ABCC3: variants seen among roughly 807,000 people sequenced by gnomAD.
ABCC3 encodes ATP binding cassette subfamily C member 3.
ABCC3 carries 121 observed loss-of-function variants against 165.3 expected under a neutral mutation model. That is an observed-to-expected ratio of 0.73 (90% CI 0.63 to 0.85). The LOEUF (loss-of-function observed/expected upper bound fraction) is 0.85, where lower values mean the gene tolerates loss of function less well. Among genes scored for constraint, ABCC3 ranks in the 40% least tolerant of loss-of-function variants. The probability of loss-of-function intolerance (pLI) is 0.00; values close to 1 mark genes in which losing one functional copy is unlikely to be tolerated. For missense variants in ABCC3, 1,869 were observed against 1,964.1 expected, an observed-to-expected ratio of 0.95 and a Z score of 0.92; for synonymous variants, 733 against 810.1, an observed-to-expected ratio of 0.90 and a Z score of 1.62.
rs762536067 is a variant in ABCC3 at position 50,669,177 on chromosome 17, G to A, written c.1975G>A (p.Val659Met). Residue 659 changes from valine to methionine, a missense_variant, in exon 16 of 31, where the codon GTG becomes ATG. Transcript: ENST00000285238. ...GGTCCCGAAAGGGGCACTGGTGGCC[G>A]TGGTGGGGCCTGTGGGCTGTGGGAA... ...IQVPKGALVA[V>M]VGPVGCGKSS... 1.1e-5 allele frequency: 18 copies of A among 1,604,372 alleles called. No homozygotes were observed. The highest frequency in any genetic ancestry group is 7.1e-5 in the Admixed American group (4 of 56,140).
chr17:50,669,164 G>A lies in ABCC3; in HGVS notation c.1962G>A (p.Gly654=), dbSNP rs1381830300. 1.6e-5 allele frequency: 26 copies of A among 1,602,926 alleles called. No homozygotes were observed. Among genetic ancestry groups the A allele is most frequent in the Non-Finnish European group, 1.9e-5 (22 of 1,177,008 alleles). The change falls in exon 16 of 31, where the codon GGG becomes GGA. Residue 654 remains glycine (G), a synonymous_variant. Coordinates refer to ENST00000285238, the MANE Select transcript of ABCC3 (RefSeq NM_003786.4). ...LHSLDIQVPK[G]ALVAVVGPVG... ...GCCTAGACATCCAGGTCCCGAAAGG[G>A]GCACTGGTGGCCGTGGTGGGGCCTG...
chr17:50,673,422 G>T (rs776129645), intron 18 of ABCC3, 47 bp from the exon 19 acceptor site: 2 of 1,594,140 alleles, frequency 1.3e-6, no homozygotes, highest in African/African-American at 1.3e-5. Flanking sequence ...TGTGCCAGGG[G>T]TGTGCTGGAG....
At chr17:50,674,719 G>A (rs931440567) in intron 19 of ABCC3, among the ~76,000 whole-genome samples, 3 of 151,718 alleles carry the variant, frequency 2.0e-5, no homozygotes, top group Admixed American at 6.6e-5. Context: ...TACAGCCAAC[G>A]TGCCTTGAGC....
At chr17:50,647,697 A>T (rs1261811273) in intron 1 of ABCC3, among the ~76,000 whole-genome samples, 1 of 152,214 alleles carries the variant, frequency 6.6e-6, no homozygotes, top group East Asian at 1.9e-4. Context: ...GGAAGCCCAC[A>T]CTGTTGCAGG....
In ABCC3 at chr17:50,658,424, T is replaced by C. The variant is rs1049669400; in HGVS notation, c.613-11T>C. The C allele has an allele frequency of 2.5e-6, 4 of 1,613,410 alleles. No homozygotes were observed. The highest frequency in any genetic ancestry group is 3.4e-6 in the Non-Finnish European group (4 of 1,179,444). On this transcript the variant is annotated splice_polypyrimidine_tract_variant and intron_variant, in intron 5 of 30. Transcript: ENST00000285238. ...CTCCTGATTCCCCCGTCCTATTCTC[T>C]CGCCTTCTAGAACCCCTACCCTGAG...
intron 17 of ABCC3, among the ~76,000 whole-genome samples, chr17:50,671,413 G>A (rs1262989294): frequency 2.0e-5 from 3 of 152,050 alleles, no homozygotes; most frequent in African/African-American, 7.2e-5. Context: ...ATTCCCCACT[G>A]CCCCTAGGCC....
Position 50,684,044 on chromosome 17 carries a change from T to C in ABCC3, c.4050T>C (p.Asp1350=), listed in dbSNP as rs1343638816. 3 of 1,612,810 alleles carry C rather than the reference T, an allele frequency of 1.9e-6. No individual in the cohort carries two copies. The highest frequency in any genetic ancestry group is 1.7e-5 in the Admixed American group (1 of 59,578). ...CGGCAAAGGGTGAAATCCGCATTGA[T>C]GGCCTCAATGTGGCAGACATCGGCC... ...LEAAKGEIRI[D]GLNVADIGLH... Residue 1350 remains aspartate (D), a synonymous_variant, in exon 28 of 31, where the codon GAT becomes GAC. Transcript: ENST00000285238.
Position 50,683,701 on chromosome 17 carries a change from C to G in ABCC3, c.3899C>G (p.Pro1300Arg), listed in dbSNP as rs41280128. ...CGGAATTATTCTGTGCGCTACCGGC[C>G]GGGCCTAGACCTGGTGCTGAGAGAC... is the stretch of plus-strand genomic sequence containing the variant. ...EFRNYSVRYR[P>R]GLDLVLRDLS... is the part of the protein sequence containing the mutation. Residue 1300 changes from proline (P) to arginine (R), a missense_variant, in exon 27 of 31, where the codon CCG becomes CGG. By Grantham distance (103) the Pro-to-Arg change is moderately radical. Coordinates refer to ENST00000285238, the MANE Select transcript of ABCC3 (RefSeq NM_003786.4). The G allele has an allele frequency of 6.2e-7, 1 of 1,608,202 alleles. No individual in the cohort carries two copies. The highest frequency in any genetic ancestry group is 8.5e-7 in the Non-Finnish European group (1 of 1,177,606).
rs1275647703 is a variant in ABCC3, at chr17:50,675,882, G to A, written c.2860-1G>A. ...CTGACTGCCATGGCTGCTCCCTACAGGTGGAGCTCAGTGTGTTCTGGGATT... is the reference window on the plus strand; with the variant it reads ...CTGACTGCCATGGCTGCTCCCTACAAGTGGAGCTCAGTGTGTTCTGGGATT... On this transcript the variant is annotated splice_acceptor_variant, in intron 21 of 30. Transcript: ENST00000285238. LOFTEE classifies it high-confidence loss of function. 2 of 1,614,116 alleles carry A rather than the reference G, an allele frequency of 1.2e-6. No homozygotes were observed. Among genetic ancestry groups the A allele is most frequent in the Non-Finnish European group, 8.5e-7 (1 of 1,180,024 alleles).
Position 50,665,262 on chromosome 17 carries a change from G to A in ABCC3, c.1431+17G>A. On this transcript the variant is annotated intron_variant, in intron 11 of 30. Transcript: ENST00000285238. ...GCCTTCCAGGTAGGTGCTGTCAGAG[G>A]TGCATCCTCCTGCCTGCAGCACCCG... 1 of 1,613,382 alleles carries A rather than the reference G, an allele frequency of 6.2e-7. No homozygotes were observed. The highest frequency in any genetic ancestry group is 8.5e-7 in the Non-Finnish European group (1 of 1,179,620).
intron 18 of ABCC3, 109 bp from the exon 19 acceptor site, chr17:50,673,360 C>A: frequency 7.0e-7 from 1 of 1,422,672 alleles, no homozygotes; most frequent in Non-Finnish European, 9.6e-7. Context: ...TGTGCCTGTC[C>A]AAGCTCCCTG....
chr17:50,635,326 C>A, intron 1 of ABCC3: 1 of 630,860 alleles, frequency 1.6e-6, no homozygotes, highest in Non-Finnish European at 2.9e-6. Context: ...GCGGAAGGGG[C>A]GTTTCGCAAT....
Position 50,669,280 on chromosome 17 carries a change from G to A in ABCC3, c.2064+14G>A. 1 of 1,614,068 alleles carries A rather than the reference G, an allele frequency of 6.2e-7. No homozygotes were observed. The highest frequency in any genetic ancestry group is 1.1e-5 in the South Asian group (1 of 91,086). ...GTGCACATGAAGGTGAGAGAGGCAG[G>A]GGCTCCTGGGCAGGGTGTGGGGCTC... On this transcript the variant is annotated intron_variant, in intron 16 of 30. Coordinates refer to ENST00000285238, the MANE Select transcript of ABCC3 (RefSeq NM_003786.4).
intron 8 of ABCC3, chr17:50,663,207 C>T (rs753389126): frequency 1.2e-4 from 20 of 166,564 alleles, no homozygotes; most frequent in Non-Finnish European, 2.2e-4. Context: ...GCCCCAAGAG[C>T]GGGGGCGGAT....
At chr17:50,653,046 G>T (rs1967141621) in intron 1 of ABCC3, among the ~76,000 whole-genome samples, 1 of 152,122 alleles carries the variant, frequency 6.6e-6, no homozygotes, top group South Asian at 2.1e-4. Flanking sequence ...ACACCAATCT[G>T]TTAAAAGAAA....
In ABCC3 at chr17:50,691,387, A is replaced by C. The variant is rs1193957659; in HGVS notation, c.*187A>C. ...ATGAGGAAATGATCCCCAAGTGGTG[A>C]ATGACACGCCTAAGGTCACAGCTAG... On this transcript the variant is annotated 3_prime_UTR_variant, in exon 31 of 31. Coordinates refer to ENST00000285238, the MANE Select transcript of ABCC3 (RefSeq NM_003786.4). 1 of 554,208 alleles carries C rather than the reference A, an allele frequency of 1.8e-6. No homozygotes were observed. The highest frequency in any genetic ancestry group is 1.9e-5 in the African/African-American group (1 of 52,948). 34.3% of individuals were successfully genotyped at this position (554,208 alleles called of 1,614,324 possible).
chr17:50,678,266 A>G, intron 25 of ABCC3, 47 bp downstream of exon 25: 1 of 1,503,776 alleles, frequency 6.6e-7, no homozygotes, highest in African/African-American at 1.4e-5. Flanking sequence ...TGGGACAGAA[A>G]CCACACAGGT....
chr17:50,672,030 CTCTT>C (rs1370377944), intron 17 of ABCC3, among the ~76,000 whole-genome samples: 7 of 151,916 alleles, frequency 4.6e-5, no homozygotes, highest in Non-Finnish European at 8.8e-5. Flanking sequence ...CCTCAGGTTT[CTCTT>C]TCTTTCTTAT....
intron 19 of ABCC3, among the ~76,000 whole-genome samples, chr17:50,674,032 C>T (rs866491541): frequency 0.011 from 319 of 28,612 alleles, 128 homozygotes; most frequent in Admixed American, 0.017. Flanking sequence ...CTCTCTCTCT[C>T]TCTCTTTCTT....
Sources: gnomAD v4.1 joint callset for allele counts (sites outside exome capture counted in the v4.1 genomes callset) on GRCh38, gnomAD v4.1.1 for gene constraint, MANE v1.5 for transcripts, NCBI Gene and HGNC (gene_info 2026-07-23, HGNC 2026-07-21) for gene names.